Variants in ADAMTS2 observed in about 807,000 individuals in gnomAD.
ADAMTS2 encodes the protein A disintegrin and metalloproteinase with thrombospondin motifs 2.
Under a neutral mutation model 123.0 loss-of-function variants are expected in ADAMTS2, and 50 were observed. The observed-to-expected ratio is 0.41, with a 90% CI of 0.32 to 0.51. The LOEUF (loss-of-function observed/expected upper bound fraction) is 0.51. ADAMTS2 is among the 20% of genes least tolerant of loss of function. ADAMTS2 has a pLI of 0.35. For missense variants in ADAMTS2, 1,494 were observed against 1,705.2 expected (o/e 0.88, Z 2.18); for synonymous variants, 678 against 695.4 (o/e 0.98, Z 0.39).
In ADAMTS2 at chr5:179,260,126, C is replaced by A. The variant is rs1194741117; in HGVS notation, c.688+12785G>T. 7.9e-5 allele frequency among the ~76,000 whole-genome samples: 12 copies of A among 152,140 alleles called. No individual in the cohort carries two copies. The highest frequency in any genetic ancestry group is 7.9e-4 in the Admixed American group (12 of 15,284). On this transcript the variant is annotated intron_variant, in intron 3 of 21. Transcript: ENST00000251582. The surrounding 1 kb of genome is among the most constrained non-coding windows in gnomAD (Gnocchi z 4.2). Reference sequence around the variant, plus strand: ...AAAGGCCCAGGGCCACCCAATGTCCCATGGGCCCATGGGACCAGTAGCCAC... The same window carrying A: ...AAAGGCCCAGGGCCACCCAATGTCCAATGGGCCCATGGGACCAGTAGCCAC...
intron 2 of ADAMTS2, among the ~76,000 whole-genome samples, chr5:179,304,918 T>TCTGG (rs1270353383): frequency 2.6e-5 from 4 of 151,818 alleles, no homozygotes; most frequent in Admixed American, 2.6e-4. Flanking sequence ...CTCTGAAAAC[T>TCTGG]ACAGACAAAA....
chr5:179,333,189 G>GC (rs1331063594), intron 2 of ADAMTS2, among the ~76,000 whole-genome samples: 2 of 152,124 alleles, frequency 1.3e-5, no homozygotes, highest in African/African-American at 4.8e-5. Flanking sequence ...TCCACCTCAA[G>GC]CCCCCCATGG....
intron 2 of ADAMTS2, among the ~76,000 whole-genome samples, chr5:179,299,530 AACAC>A (rs3986821): frequency 0.013 from 1,608 of 120,502 alleles, 11 homozygotes; most frequent in Middle Eastern, 0.044. Context: ...CTCCAACTCA[AACAC>A]ACACACACAC....
intron 20 of ADAMTS2, 22 bp downstream of exon 20, chr5:179,122,622 G>T: frequency 6.5e-7 from 1 of 1,548,802 alleles, no homozygotes; most frequent in South Asian, 1.2e-5. Flanking sequence ...GGGAGCAGGG[G>T]CAGGGGCTGC....
intron 4 of ADAMTS2, among the ~76,000 whole-genome samples, chr5:179,201,265 A>C (rs1253680205): frequency 1.3e-5 from 2 of 152,248 alleles, no homozygotes; most frequent in African/African-American, 4.8e-5. Flanking sequence ...AGTAAGCACG[A>C]GCGATAGATT....
intron 2 of ADAMTS2, among the ~76,000 whole-genome samples, chr5:179,274,612 G>A (rs1156559974): frequency 1.3e-5 from 2 of 152,190 alleles, no homozygotes; most frequent in Admixed American, 6.5e-5. Flanking sequence ...GGTGGCGCAC[G>A]GGCTGCCCCT....
At chr5:179,167,654 C>T (rs1316976481) in intron 5 of ADAMTS2, among the ~76,000 whole-genome samples, 1 of 152,280 alleles carries the variant, frequency 6.6e-6, no homozygotes, top group Admixed American at 6.5e-5. Flanking sequence ...GCCACGCGAC[C>T]GAGGCTCACC....
intron 5 of ADAMTS2, among the ~76,000 whole-genome samples, chr5:179,166,646 G>C (rs553867592): frequency 6.6e-6 from 1 of 152,176 alleles, no homozygotes; most frequent in Admixed American, 6.5e-5. Flanking sequence ...TCCTGGCCGC[G>C]GGACCCTGGC....
intron 4 of ADAMTS2, among the ~76,000 whole-genome samples, chr5:179,199,658 A>G (rs1322781778): frequency 1.3e-5 from 2 of 152,014 alleles, no homozygotes; most frequent in African/African-American, 2.4e-5. Flanking sequence ...AGGACCCCGT[A>G]CCTGAGGAGC....
At chr5:179,210,252 C>T (rs1322166050) in intron 3 of ADAMTS2, among the ~76,000 whole-genome samples, 1 of 152,196 alleles carries the variant, frequency 6.6e-6, no homozygotes, top group Non-Finnish European at 1.5e-5. Context: ...CTGGCCCTAA[C>T]CCCAGAGTCC....
At chr5:179,119,565 G>C (rs1370511699) in intron 21 of ADAMTS2, among the ~76,000 whole-genome samples, 1 of 152,212 alleles carries the variant, frequency 6.6e-6, no homozygotes, top group African/African-American at 2.4e-5. Context: ...TGGCTGCCTG[G>C]GAAGACCTTG....
chr5:179,137,929 G>GC lies in ADAMTS2; in HGVS notation c.1790dup (p.Arg598ProfsTer24). The GC allele has an allele frequency of 6.5e-7, 1 of 1,547,770 alleles. No homozygotes were observed. The highest frequency in any genetic ancestry group is 8.7e-7 in the Non-Finnish European group (1 of 1,147,802). Reference sequence around the variant, plus strand: ...CGTAGGCAAGGCCCGAGCAGGTGCGGCCCCCGTTGGCCGGGCTGGAGGAGA... The same window carrying GC: ...CGTAGGCAAGGCCCGAGCAGGTGCGGCCCCCCGTTGGCCGGGCTGGAGGAGA... On this transcript the variant is annotated frameshift_variant, in exon 12 of 22. Coordinates refer to ENST00000251582, the MANE Select transcript of ADAMTS2 (RefSeq NM_014244.5). LOFTEE classifies it high-confidence loss of function.
At chr5:179,207,738 T>C (rs1764739483) in intron 3 of ADAMTS2, 23 bp from the exon 4 acceptor site, 1 of 1,605,924 alleles carries the variant, frequency 6.2e-7, no homozygotes, top group Non-Finnish European at 8.5e-7. Flanking sequence ...GACACCGTCT[T>C]CAGCGGCAGG....
At chr5:179,137,104 C>A (rs923772392) in intron 12 of ADAMTS2, among the ~76,000 whole-genome samples, 3 of 152,342 alleles carry the variant, frequency 2.0e-5, no homozygotes, top group African/African-American at 4.8e-5. Flanking sequence ...AAACGCTGGG[C>A]CCCCAGACTG....
At chr5:179,131,139 C>A (rs940435216) in intron 15 of ADAMTS2, among the ~76,000 whole-genome samples, 3 of 151,460 alleles carry the variant, frequency 2.0e-5, no homozygotes, top group Non-Finnish European at 2.9e-5. Flanking sequence ...GGTGAAACCC[C>A]GTCTCTAGTA....
chr5:179,243,021 A>G (rs1765703468), intron 3 of ADAMTS2, among the ~76,000 whole-genome samples: 1 of 152,014 alleles, frequency 6.6e-6, no homozygotes, highest in Non-Finnish European at 1.5e-5. Flanking sequence ...AACCAAGAAG[A>G]TCAGAGGCTA....
intron 2 of ADAMTS2, among the ~76,000 whole-genome samples, chr5:179,284,157 C>T (rs910128027): frequency 1.3e-5 from 2 of 150,646 alleles, no homozygotes; most frequent in East Asian, 2.0e-4. Flanking sequence ...GGTGAAACCC[C>T]GTCTCTACTA....
intron 3 of ADAMTS2, among the ~76,000 whole-genome samples, chr5:179,268,760 T>G (rs1035954855): frequency 6.6e-5 from 10 of 152,226 alleles, no homozygotes; most frequent in Non-Finnish European, 1.5e-4. Flanking sequence ...GGGCTGTGCC[T>G]CTGGGCTATA....
intron 2 of ADAMTS2, among the ~76,000 whole-genome samples, chr5:179,300,178 T>C (rs1343307264): frequency 6.6e-6 from 1 of 151,918 alleles, no homozygotes; most frequent in East Asian, 1.9e-4. Flanking sequence ...GTCAACTAAT[T>C]AGCAACCTGA....
Sources: gnomAD v4.1 joint callset for allele counts (sites outside exome capture counted in the v4.1 genomes callset) on GRCh38, gnomAD v4.1.1 for gene constraint, Gnocchi (gnomAD v3.1) non-coding constraint, MANE v1.5 for transcripts, NCBI Gene and HGNC (gene_info 2026-07-23, HGNC 2026-07-21) for gene names.